TGM5: variants seen among roughly 807,000 people sequenced by gnomAD.
TGM5 encodes protein-glutamine gamma-glutamyltransferase 5.
In TGM5, 69 loss-of-function variants were observed where a neutral mutation model predicts 77.2. That is an observed-to-expected ratio of 0.89 (90% CI 0.74 to 1.09). The LOEUF (loss-of-function observed/expected upper bound fraction) is 1.09. TGM5 is among the 50% of genes least tolerant of loss of function. The pLI, the probability that TGM5 is intolerant of heterozygous loss-of-function variation, is 0.00. For missense variants in TGM5, 842 were observed against 896.5 expected (o/e 0.94, Z 0.78); for synonymous variants, 346 against 351.8 (o/e 0.98, Z 0.18).
intron 3 of TGM5, among the ~76,000 whole-genome samples, chr15:43,258,352 T>A (rs2042758532): frequency 6.6e-6 from 1 of 152,180 alleles, no homozygotes; most frequent in Admixed American, 6.5e-5. Context: ...GCAATTTACC[T>A]ACATAGCAAA....
At chr15:43,241,481 C>T (rs2042635731) in intron 6 of TGM5, among the ~76,000 whole-genome samples, 1 of 152,118 alleles carries the variant, frequency 6.6e-6, no homozygotes, top group African/African-American at 2.4e-5. Flanking sequence ...TTGGAAGCCT[C>T]TCTAGAAAAG....
chr15:43,253,501 C>G lies in TGM5; in HGVS notation c.684+5G>C, dbSNP rs2142374324. ...CTCCCTCCCCGGGCACGCCAGGGAC[C>G]TCACCATGGCACACACCACTCTGCT... On this transcript the variant is annotated splice_donor_5th_base_variant and intron_variant, in intron 5 of 12. Coordinates refer to ENST00000220420, the MANE Select transcript of TGM5 (RefSeq NM_201631.4). 2.5e-6 allele frequency: 4 copies of G among 1,611,266 alleles called. No individual in the cohort carries two copies. In the East Asian group the frequency reaches 6.7e-5, roughly 27 times the overall value.
At chr15:43,246,167 T>C (rs1242029158) in intron 6 of TGM5, among the ~76,000 whole-genome samples, 1 of 152,096 alleles carries the variant, frequency 6.6e-6, no homozygotes, top group Non-Finnish European at 1.5e-5. Context: ...CTCGGGCAAG[T>C]CTAAAAGGTA....
At chr15:43,252,329 T>G (rs1052954587) in intron 6 of TGM5, among the ~76,000 whole-genome samples, 3 of 152,178 alleles carry the variant, frequency 2.0e-5, no homozygotes, top group African/African-American at 7.2e-5. Context: ...TTTTATTTAT[T>G]TTTTGAGATG....
intron 9 of TGM5, 135 bp downstream of exon 9, chr15:43,238,682 A>G (rs2042608719): frequency 3.6e-6 from 5 of 1,390,518 alleles, no homozygotes; most frequent in Non-Finnish European, 4.9e-6. Flanking sequence ...GGCCACCCCA[A>G]CTGGGGCCTC....
chr15:43,263,952 T>G (rs2142387193), intron 1 of TGM5, among the ~76,000 whole-genome samples: 1 of 152,200 alleles, frequency 6.6e-6, no homozygotes, highest in East Asian at 1.9e-4. Context: ...TTTTAAAAAA[T>G]TCATATAACT....
chr15:43,241,655 C>T (rs1336278334), intron 6 of TGM5, among the ~76,000 whole-genome samples: 2 of 152,134 alleles, frequency 1.3e-5, no homozygotes, highest in Non-Finnish European at 2.9e-5. Context: ...TTATCCTCTG[C>T]TGTATTTCCA....
intron 1 of TGM5, 33 bp from the exon 2 acceptor site, chr15:43,260,612 G>T (rs1213227326): frequency 6.2e-7 from 1 of 1,613,098 alleles, no homozygotes; most frequent in Non-Finnish European, 8.5e-7. Context: ...AGACAAAATA[G>T]TGGGGTTGTG....
chr15:43,260,170 A>G lies in TGM5; in HGVS notation c.318T>C (p.Ala106=). Residue 106 remains alanine, a synonymous_variant, in exon 3 of 13, where the codon GCT becomes GCC. Transcript: ENST00000220420. ...ACCGACCCACGGCCGCCGTGGGAGG[A>G]GCGCACAAGCTCACCTCTGTGGAGG... ...GATSTEVSLC[A]PPTAAVGRYL... The G allele has an allele frequency of 6.2e-7, 1 of 1,613,982 alleles. No individual in the cohort carries two copies. Among genetic ancestry groups the G allele is most frequent in the Non-Finnish European group, 8.5e-7 (1 of 1,179,992 alleles).
At chr15:43,246,543 T>C (rs66902683) in intron 6 of TGM5, among the ~76,000 whole-genome samples, 2,194 of 152,208 alleles carry the variant, frequency 0.014, 32 homozygotes, top group Non-Finnish European at 0.021. Context: ...CAAATCGCAA[T>C]TGAGGAACTT....
intron 1 of TGM5, among the ~76,000 whole-genome samples, chr15:43,264,696 T>A (rs1446508895): frequency 2.6e-5 from 4 of 152,236 alleles, no homozygotes. Context: ...ATAGTGGCGA[T>A]ACTCGCAAAA....
rs1200821356 is a variant in TGM5 at position 43,235,774 on chromosome 15, T to C, written c.1409A>G (p.His470Arg). The change falls in exon 10 of 13, where the codon CAT becomes CGT. Residue 470 changes from histidine (H) to arginine (R), a missense_variant. Physicochemically the swap from His to Arg is conservative, Grantham distance 29. This residue lies in a region of TGM5 where 815 missense variants were observed against 844.6 expected (regional missense o/e 0.96). Coordinates refer to ENST00000220420, the MANE Select transcript of TGM5 (RefSeq NM_201631.4). ...CAACTCTGCTCCTCTTTGGGAGCCATGGAAGCTTCTAGCCTTCAGCTTCTG... is the reference window on the plus strand; with the variant it reads ...CAACTCTGCTCCTCTTTGGGAGCCACGGAAGCTTCTAGCCTTCAGCTTCTG... ...ALQKLKARSF[H>R]GSQRGAELQP... 1.9e-6 allele frequency: 3 copies of C among 1,614,208 alleles called. No individual in the cohort carries two copies. The highest frequency in any genetic ancestry group is 1.7e-6 in the Non-Finnish European group (2 of 1,180,036).
intron 5 of TGM5, 140 bp from the exon 6 acceptor site, chr15:43,253,076 G>T: frequency 2.2e-6 from 2 of 891,548 alleles, no homozygotes; most frequent in East Asian, 2.6e-5. Context: ...TTCCAGACCT[G>T]CTGGGGAGGG....
At position 43,260,093 on chromosome 15, in the gene TGM5, T is replaced by C. The variant is rs1394425582; in HGVS notation, c.395A>G (p.Gln132Arg). The C allele has an allele frequency of 1.2e-6, 2 of 1,614,114 alleles. No homozygotes were observed. Among genetic ancestry groups the C allele is most frequent in the Non-Finnish European group, 1.7e-6 (2 of 1,180,040 alleles). The stretch of plus-strand genomic sequence containing the variant: ...GAAAAGCAGGATGAACTCCCCTAGC[T>C]GGTAGGCCGTCACAGACCCCTGGAA... ...DSFQGSVTAY[Q>R]LGEFILLFNP... is the part of the protein sequence containing the mutation. Residue 132 changes from glutamine (Q) to arginine (R), a missense_variant, in exon 3 of 13, where the codon CAG becomes CGG. Physicochemically the swap from Gln to Arg is conservative, Grantham distance 43. Around this residue, in one of 2 missense-constraint regions of TGM5, gnomAD observed 815 missense variants for 844.6 expected, o/e 0.96. Transcript: ENST00000220420.
chr15:43,249,114 A>T (rs2042687759), intron 6 of TGM5, among the ~76,000 whole-genome samples: 1 of 152,056 alleles, frequency 6.6e-6, no homozygotes, highest in Admixed American at 6.5e-5. Context: ...AAGAGGGATG[A>T]TGCTGTACAC....
intron 6 of TGM5, among the ~76,000 whole-genome samples, chr15:43,249,819 G>A (rs776684999): frequency 3.9e-5 from 6 of 152,238 alleles, no homozygotes; most frequent in East Asian, 1.9e-4. Flanking sequence ...TTTGAGGCAC[G>A]CAAAGCCTCC....
At position 43,260,423 on chromosome 15, in the gene TGM5, T is replaced by A. The variant is rs757831590; in HGVS notation, c.167A>T (p.Asn56Ile). The change falls in exon 2 of 13, where the codon AAC (asparagine) becomes ATC (isoleucine). Residue 56 changes from asparagine (N) to isoleucine (I), a missense_variant. Physicochemically the swap from Asn to Ile is moderately radical, Grantham distance 149 (BLOSUM62 -3). This residue lies in a region of TGM5 where 815 missense variants were observed against 844.6 expected (regional missense o/e 0.96). Transcript: ENST00000220420. ...ACCAGTTTCAACCACGAAGATGATGTTGTCCAGGCCTGGCTGGAAGCTCCG... is the reference window on the plus strand; with the variant it reads ...ACCAGTTTCAACCACGAAGATGATGATGTCCAGGCCTGGCTGGAAGCTCCG... ...RNRSFQPGLD[N>I]IIFVVETGPL... 102 of 1,614,070 alleles carry A rather than the reference T, an allele frequency of 6.3e-5. No individual in the cohort carries two copies. The East Asian group carries it at 2.2e-3, about 35-fold the overall frequency.
intron 1 of TGM5, among the ~76,000 whole-genome samples, chr15:43,265,433 G>A (rs991872123): frequency 2.6e-5 from 4 of 152,190 alleles, no homozygotes; most frequent in African/African-American, 4.8e-5. Flanking sequence ...GGCACATGAC[G>A]CAGGCTACTC....
chr15:43,241,005 C>A lies in TGM5; in HGVS notation c.863-15G>T, dbSNP rs763221630. The A allele has an allele frequency of 6.2e-7, 1 of 1,614,036 alleles. No individual in the cohort carries two copies. The highest frequency in any genetic ancestry group is 1.1e-5 in the South Asian group (1 of 91,078). On this transcript the variant is annotated splice_polypyrimidine_tract_variant and intron_variant, in intron 6 of 12. Coordinates refer to ENST00000220420, the MANE Select transcript of TGM5 (RefSeq NM_201631.4). Reference sequence around the variant, plus strand: ...ACACCTCATCACTGCAAAAAGGGCACAAAAAAATCACCTGTGAGCTGTAGA... The same window carrying A: ...ACACCTCATCACTGCAAAAAGGGCAAAAAAAAATCACCTGTGAGCTGTAGA...
Sources: gnomAD v4.1 joint callset for allele counts (sites outside exome capture counted in the v4.1 genomes callset) on GRCh38, gnomAD v4.1.1 for gene constraint, gnomAD v4.1.1 regional missense constraint, MANE v1.5 for transcripts, NCBI Gene and HGNC (gene_info 2026-07-23, HGNC 2026-07-21) for gene names.